EIF4G3: variants seen among roughly 807,000 people sequenced by gnomAD.
The protein encoded by EIF4G3 is eIF-4-gamma 3.
EIF4G3 carries 34 observed loss-of-function variants against 186.4 expected under a neutral mutation model. The observed-to-expected ratio is 0.18, with a 90% CI of 0.14 to 0.24. EIF4G3 has a LOEUF of 0.24. EIF4G3 is among the 10% of genes least tolerant of loss of function. EIF4G3 has a pLI of 1.00. For synonymous variants in EIF4G3, 673 were observed against 679.5 expected, an observed-to-expected ratio of 0.99 and a Z score of 0.15; for missense variants, 1,536 against 1,948.5, an observed-to-expected ratio of 0.79 and a Z score of 3.99.
chr1:20,980,927 A>G lies in EIF4G3; in HGVS notation c.378+121T>C, dbSNP rs533535098. On this transcript the variant is annotated intron_variant, in intron 9 of 36. Transcript: ENST00000602326. ...CAAAAGGGCTAGATTTGTAACCAAC[A>G]AAACAGTTCACACGTCACCGAAAAC... The G allele has an allele frequency of 5.7e-5, 42 of 737,646 alleles. No homozygotes were observed. The African/African-American group carries it at 6.4e-4, about 11-fold the overall frequency. The allele number at this position is 737,646 out of a possible 1,614,324, so 45.7% of individuals were successfully genotyped here.
chr1:21,140,536 C>A (rs1419213928), intron 2 of EIF4G3, among the ~76,000 whole-genome samples: 1 of 152,242 alleles, frequency 6.6e-6, no homozygotes, highest in African/African-American at 2.4e-5. Flanking sequence ...TGGTCTTGAA[C>A]TGGCCTCATT....
intron 2 of EIF4G3, among the ~76,000 whole-genome samples, chr1:21,101,100 G>A (rs1044490669): frequency 6.6e-6 from 1 of 152,046 alleles, no homozygotes; most frequent in Non-Finnish European, 1.5e-5. Context: ...GAAATAAGTC[G>A]ACGTATTTTC....
intron 19 of EIF4G3, among the ~76,000 whole-genome samples, chr1:20,883,009 C>A (rs991519369): frequency 1.3e-5 from 2 of 150,982 alleles, no homozygotes; most frequent in South Asian, 4.2e-4. Flanking sequence ...TTGAGCCCAG[C>A]AGGTCAAGGC....
intron 3 of EIF4G3, among the ~76,000 whole-genome samples, chr1:21,085,327 G>A (rs1379234301): frequency 2.6e-5 from 4 of 152,006 alleles, no homozygotes; most frequent in Non-Finnish European, 5.9e-5. Context: ...CTGTTCTTTT[G>A]CATAGTACTT....
intron 2 of EIF4G3, among the ~76,000 whole-genome samples, chr1:21,170,190 T>C (rs1013622306): frequency 1.1e-4 from 17 of 152,154 alleles, no homozygotes; most frequent in African/African-American, 3.4e-4. Context: ...AATAAATAAA[T>C]AAACAAACAA....
intron 30 of EIF4G3, among the ~76,000 whole-genome samples, chr1:20,837,558 G>T (rs2067131924): frequency 6.6e-6 from 1 of 152,174 alleles, no homozygotes; most frequent in Non-Finnish European, 1.5e-5. Flanking sequence ...GAGCTAGGCA[G>T]AAACTGCTTC....
chr1:20,828,228 C>T (rs2064171394), intron 31 of EIF4G3, among the ~76,000 whole-genome samples: 1 of 152,096 alleles, frequency 6.6e-6, no homozygotes, highest in Non-Finnish European at 1.5e-5. Flanking sequence ...GACAGGGTTT[C>T]ACCATGTTGG....
chr1:21,053,235 G>A (rs1187046110), intron 3 of EIF4G3, among the ~76,000 whole-genome samples: 4 of 146,116 alleles, frequency 2.7e-5, no homozygotes, highest in Admixed American at 6.8e-5. Flanking sequence ...CGGCCGCCCC[G>A]TCTGAGAAGT....
chr1:20,981,765 CAT>C (rs1381639204), intron 8 of EIF4G3, among the ~76,000 whole-genome samples: 1 of 150,692 alleles, frequency 6.6e-6, no homozygotes, highest in African/African-American at 2.4e-5. Flanking sequence ...TGTATACACA[CAT>C]ACTGTATATA....
chr1:20,989,232 C>T (rs556160532), intron 7 of EIF4G3, among the ~76,000 whole-genome samples: 4 of 150,962 alleles, frequency 2.6e-5, no homozygotes, highest in South Asian at 2.1e-4. Flanking sequence ...AGTGCTGATA[C>T]GGTGGAAATG....
At chr1:20,972,869 A>AT in intron 11 of EIF4G3, 133 bp downstream of exon 11, 1 of 654,042 alleles carries the variant, frequency 1.5e-6, no homozygotes, top group Non-Finnish European at 2.5e-6. Context: ...AAGTGGTGTG[A>AT]CTATAAGGGA....
intron 2 of EIF4G3, among the ~76,000 whole-genome samples, chr1:21,152,102 G>A (rs964181455): frequency 4.6e-5 from 7 of 152,034 alleles, no homozygotes; most frequent in Non-Finnish European, 1.0e-4. Flanking sequence ...AAAGACTCCC[G>A]GATCTATAAC....
At chr1:20,814,753 C>CCCTCCA in intron 34 of EIF4G3, among the ~76,000 whole-genome samples, 1 of 11,526 alleles carries the variant, frequency 8.7e-5, no homozygotes, top group Non-Finnish European at 1.7e-4. Context: ...ATTCATCTCC[C>CCCTCCA]CCTCCCCCTC....
intron 14 of EIF4G3, among the ~76,000 whole-genome samples, chr1:20,916,906 T>C (rs561918887): frequency 8.5e-5 from 13 of 152,292 alleles, no homozygotes; most frequent in African/African-American, 3.1e-4. Context: ...GAATATAAAA[T>C]GGCAAATGTA....
intron 2 of EIF4G3, among the ~76,000 whole-genome samples, chr1:21,159,785 A>C (rs1048305350): frequency 6.6e-6 from 1 of 151,652 alleles, no homozygotes; most frequent in Non-Finnish European, 1.5e-5. Context: ...TGGGCAACAC[A>C]GTAAGACTAT....
At chr1:20,939,249 C>T (rs913452627) in intron 14 of EIF4G3, among the ~76,000 whole-genome samples, 1 of 148,836 alleles carries the variant, frequency 6.7e-6, no homozygotes, top group Non-Finnish European at 1.5e-5. Flanking sequence ...GTTAAAAAAT[C>T]AGGAGACTAG....
chr1:21,032,828 C>T (rs1054221409), intron 4 of EIF4G3, among the ~76,000 whole-genome samples: 3 of 152,000 alleles, frequency 2.0e-5, no homozygotes, highest in Admixed American at 1.3e-4. Context: ...TACAGAATAA[C>T]GATCAAGAGG....
chr1:20,865,295 C>T (rs1403872508), intron 20 of EIF4G3, 33 bp from the exon 21 acceptor site: 1 of 1,606,242 alleles, frequency 6.2e-7, no homozygotes, highest in Admixed American at 1.7e-5. Context: ...AAAAAATCAA[C>T]AAGATTACTT....
intron 6 of EIF4G3, among the ~76,000 whole-genome samples, chr1:21,000,702 G>A (rs1208144649): frequency 6.6e-6 from 1 of 152,112 alleles, no homozygotes; most frequent in Non-Finnish European, 1.5e-5. Context: ...TCTTGCACTT[G>A]TTTTAGGGTA....
Sources: allele counts gnomAD v4.1 joint callset (sites outside exome capture counted in the v4.1 genomes callset), GRCh38; gene constraint gnomAD v4.1.1; transcripts MANE v1.5; gene names NCBI Gene and HGNC (gene_info 2026-07-23, HGNC 2026-07-21).